The following CNTNAP5 variants were observed in gnomAD, a reference collection of about 807,000 sequenced individuals.
CNTNAP5 encodes the protein contactin associated protein family member 5.
In CNTNAP5, 72 loss-of-function variants were observed where a neutral mutation model predicts 150.2. The ratio of observed to expected loss-of-function variants is 0.48; its 90% CI spans 0.40 to 0.58. The LOEUF (loss-of-function observed/expected upper bound fraction) is 0.58. CNTNAP5 is among the 20% of genes least tolerant of loss of function. The probability of loss-of-function intolerance (pLI) is 0.00; values close to 1 mark genes in which losing one functional copy is unlikely to be tolerated. For missense variants in CNTNAP5, 1,636 were observed against 1,626.2 expected, an observed-to-expected ratio of 1.01 and a Z score of -0.10; for synonymous variants, 672 against 619.8, an observed-to-expected ratio of 1.08 and a Z score of -1.25.
chr2:124,056,603 G>A (rs1299902573), intron 1 of CNTNAP5, among the ~76,000 whole-genome samples: 1 of 152,176 alleles, frequency 6.6e-6, no homozygotes, highest in Non-Finnish European at 1.5e-5. Context: ...CCGAGATCAT[G>A]CCACTGCACT....
intron 3 of CNTNAP5, among the ~76,000 whole-genome samples, chr2:124,324,194 G>A (rs1384402495): frequency 6.6e-6 from 1 of 152,154 alleles, no homozygotes; most frequent in Non-Finnish European, 1.5e-5. Flanking sequence ...CACTGAATTG[G>A]TAAAAAGTTC....
intron 12 of CNTNAP5, among the ~76,000 whole-genome samples, chr2:124,646,797 A>G (rs1222510211): frequency 6.6e-6 from 1 of 152,104 alleles, no homozygotes; most frequent in African/African-American, 2.4e-5. Context: ...TTAACTGACT[A>G]TAAAACTAAG....
chr2:124,270,860 A>G (rs1687730326), intron 3 of CNTNAP5, among the ~76,000 whole-genome samples: 1 of 152,076 alleles, frequency 6.6e-6, no homozygotes, highest in South Asian at 2.1e-4. Context: ...TTCCACCTCA[A>G]TCCTCCCACT....
intron 14 of CNTNAP5, among the ~76,000 whole-genome samples, chr2:124,751,973 A>T (rs1395130444): frequency 6.6e-6 from 1 of 152,190 alleles, no homozygotes; most frequent in Non-Finnish European, 1.5e-5. Flanking sequence ...TGGTTCGGTT[A>T]AGGTCGCTTG....
intron 1 of CNTNAP5, among the ~76,000 whole-genome samples, chr2:124,120,692 T>G (rs1683540246): frequency 6.6e-6 from 1 of 152,166 alleles, no homozygotes; most frequent in South Asian, 2.1e-4. Flanking sequence ...TTTCAAGCAC[T>G]GCAGTGCAGT....
chr2:124,495,096 A>C (rs1008484476), intron 7 of CNTNAP5, among the ~76,000 whole-genome samples: 6 of 152,048 alleles, frequency 3.9e-5, no homozygotes, highest in African/African-American at 1.4e-4. Flanking sequence ...TTTGTATTCT[A>C]TTTGTTCAAT....
Position 124,372,715 on chromosome 2 carries a change from T to A in CNTNAP5, c.382-44728T>A, listed in dbSNP as rs538015785. 3.3e-5 allele frequency among the ~76,000 whole-genome samples: 5 copies of A among 152,192 alleles called. No homozygotes were observed. In the East Asian group the frequency reaches 9.7e-4, roughly 30 times the overall value. ...TTTTTTACTTCTATGCTTACGAATG[T>A]GTGGAGTATTTAATTCCTTTTTATT... On this transcript the variant is annotated intron_variant, in intron 3 of 23. Coordinates refer to ENST00000682447, the MANE Select transcript of CNTNAP5 (RefSeq NM_001367498.1).
chr2:124,880,535 T>C (rs771691886), intron 21 of CNTNAP5, among the ~76,000 whole-genome samples: 11 of 152,152 alleles, frequency 7.2e-5, no homozygotes, highest in Non-Finnish European at 1.0e-4. Context: ...CCATAGAATA[T>C]AAGCCTTGCA....
intron 19 of CNTNAP5, among the ~76,000 whole-genome samples, chr2:124,860,087 C>CA (rs1269803025): frequency 2.0e-5 from 3 of 152,054 alleles, no homozygotes; most frequent in Non-Finnish European, 4.4e-5. Context: ...TGTGGTGACT[C>CA]ACGCCTGTAA....
intron 13 of CNTNAP5, among the ~76,000 whole-genome samples, chr2:124,722,194 T>G (rs1680064079): frequency 6.6e-6 from 1 of 152,092 alleles, no homozygotes; most frequent in Non-Finnish European, 1.5e-5. Context: ...ACCCCTCAAA[T>G]TGCTACACTT....
At position 124,360,225 on chromosome 2, in the gene CNTNAP5, A is replaced by G. The variant is rs1017503244; in HGVS notation, c.382-57218A>G. 4.5e-3 allele frequency among the ~76,000 whole-genome samples: 687 copies of G among 151,630 alleles called. 3 individuals are homozygous for G. The highest frequency in any genetic ancestry group is 0.011 in the Admixed American group (169 of 15,232). On this transcript the variant is annotated intron_variant, in intron 3 of 23. Transcript: ENST00000682447. ...TCTGTACGTGAGATGGGTTTCCTGA[A>G]TACAGCACACTGAATACAGCTCTTG...
intron 13 of CNTNAP5, among the ~76,000 whole-genome samples, chr2:124,710,526 T>C (rs191416058): frequency 4.3e-4 from 65 of 152,256 alleles, no homozygotes; most frequent in African/African-American, 1.6e-3. Context: ...CCATTGTCGG[T>C]GAACCCATCA....
chr2:124,069,372 C>A (rs1262017357), intron 1 of CNTNAP5, among the ~76,000 whole-genome samples: 3 of 152,174 alleles, frequency 2.0e-5, no homozygotes, highest in Non-Finnish European at 2.9e-5. Context: ...GAATACGTGG[C>A]TCCAAGTCAG....
At chr2:124,420,265 AG>A (rs1407704252) in intron 4 of CNTNAP5, among the ~76,000 whole-genome samples, 1 of 152,004 alleles carries the variant, frequency 6.6e-6, no homozygotes. Flanking sequence ...CTGGGATTAC[AG>A]GGGTGAGCTA....
intron 11 of CNTNAP5, among the ~76,000 whole-genome samples, chr2:124,575,448 A>G (rs553350304): frequency 7.7e-4 from 117 of 152,296 alleles, no homozygotes; most frequent in African/African-American, 2.8e-3. Context: ...TTGGGTCACA[A>G]ACCATTTTCA....
chr2:124,134,232 C>T (rs574827976), intron 1 of CNTNAP5, among the ~76,000 whole-genome samples: 2 of 152,052 alleles, frequency 1.3e-5, no homozygotes, highest in African/African-American at 4.8e-5. Context: ...TTGCCTAATC[C>T]TACCCTCATT....
chr2:124,366,678 C>G (rs1207306688), intron 3 of CNTNAP5, among the ~76,000 whole-genome samples: 2 of 152,176 alleles, frequency 1.3e-5, no homozygotes, highest in Non-Finnish European at 2.9e-5. Flanking sequence ...CAACATATTT[C>G]CAACCATTTC....
intron 21 of CNTNAP5, among the ~76,000 whole-genome samples, chr2:124,894,065 G>T (rs1678254949): frequency 6.6e-6 from 1 of 152,026 alleles, no homozygotes; most frequent in Non-Finnish European, 1.5e-5. Flanking sequence ...TCAAAGATGG[G>T]CTTACATGTG....
At chr2:124,362,466 G>T (rs1454858347) in intron 3 of CNTNAP5, among the ~76,000 whole-genome samples, 3 of 152,118 alleles carry the variant, frequency 2.0e-5, no homozygotes, top group African/African-American at 4.8e-5. Flanking sequence ...TAGACAAATG[G>T]TTCTACTTAT....
Sources: gnomAD v4.1 joint callset for allele counts (sites outside exome capture counted in the v4.1 genomes callset) on GRCh38, gnomAD v4.1.1 for gene constraint, MANE v1.5 for transcripts, NCBI Gene and HGNC (gene_info 2026-07-23, HGNC 2026-07-21) for gene names.